Variants in AKAP19 observed in about 807,000 individuals in gnomAD.
AKAP19 encodes A-kinase anchoring protein 19.
chr2:190,056,434 C>A, the AKAP19 span: 3 of 152,238 alleles, frequency 2.0e-5, no homozygotes, highest in Non-Finnish European at 4.4e-5. Context: ...TTACATACTT[C>A]TCCAAGTATG....
chr2:189,939,870 G>C, the AKAP19 span, among the ~76,000 whole-genome samples: 3 of 152,182 alleles, frequency 2.0e-5, no homozygotes, highest in Admixed American at 2.0e-4. Context: ...AGTCAGTCAG[G>C]CATGGGGGCT....
chr2:190,194,261 T>A, the AKAP19 span, among the ~76,000 whole-genome samples: 1 of 152,296 alleles, frequency 6.6e-6, no homozygotes, highest in East Asian at 1.9e-4. Context: ...AGTTGGAGCA[T>A]AATGTTGTTC....
chr2:190,145,523 A>T, the AKAP19 span, among the ~76,000 whole-genome samples: 1 of 152,190 alleles, frequency 6.6e-6, no homozygotes, highest in South Asian at 2.1e-4. Flanking sequence ...GACTGCATAT[A>T]CTATGGCCAT....
At chr2:189,904,303 A>G in the AKAP19 span, among the ~76,000 whole-genome samples, 1 of 152,022 alleles carries the variant, frequency 6.6e-6, no homozygotes, top group Non-Finnish European at 1.5e-5. Flanking sequence ...TGCAGATGAA[A>G]CACAAAGTGC....
chr2:190,029,240 T>C, the AKAP19 span, among the ~76,000 whole-genome samples: 2,604 of 152,040 alleles, frequency 0.017, 81 homozygotes, highest in African/African-American at 0.06. Flanking sequence ...TTAGTAGAGA[T>C]GGGGTTTCAC....
chr2:190,089,516 T>C, the AKAP19 span: 1 of 152,150 alleles, frequency 6.6e-6, no homozygotes, highest in African/African-American at 2.4e-5. Flanking sequence ...TTTTTGAAAA[T>C]TCTAGAATTC....
At chr2:189,945,520 A>T in the AKAP19 span, among the ~76,000 whole-genome samples, 3 of 152,218 alleles carry the variant, frequency 2.0e-5, no homozygotes, top group East Asian at 5.8e-4. Context: ...ATTCCTATTC[A>T]CAAAAACTGA....
chr2:189,932,765 C>T, the AKAP19 span, among the ~76,000 whole-genome samples: 2 of 151,054 alleles, frequency 1.3e-5, no homozygotes, highest in Non-Finnish European at 2.9e-5. Flanking sequence ...CTACATTATC[C>T]TAGATTTGAC....
chr2:190,025,581 G>A, the AKAP19 span, among the ~76,000 whole-genome samples: 1 of 152,158 alleles, frequency 6.6e-6, no homozygotes, highest in Non-Finnish European at 1.5e-5. Flanking sequence ...TGTAGTCTAA[G>A]CTTTAGAGCT....
chr2:189,978,868 G>A, the AKAP19 span, among the ~76,000 whole-genome samples: 1 of 151,742 alleles, frequency 6.6e-6, no homozygotes, highest in Non-Finnish European at 1.5e-5. Flanking sequence ...TAACTACCTG[G>A]TAAAAAGTTA....
chr2:190,179,052 T>C, the AKAP19 span, among the ~76,000 whole-genome samples: 1 of 152,208 alleles, frequency 6.6e-6, no homozygotes, highest in Non-Finnish European at 1.5e-5. This position sits in a 1 kb window ranked among gnomAD's most constrained non-coding sequence, Gnocchi z 6.0. Context: ...TAGCATGGTG[T>C]GCCTGAAATA....
chr2:190,052,074 C>T, the AKAP19 span, among the ~76,000 whole-genome samples: 2 of 151,964 alleles, frequency 1.3e-5, no homozygotes, highest in African/African-American at 2.4e-5. Context: ...CTCCTGACCT[C>T]GTGATCCGCC....
the AKAP19 span, among the ~76,000 whole-genome samples, chr2:189,998,549 A>G: frequency 6.6e-6 from 1 of 152,130 alleles, no homozygotes; most frequent in Admixed American, 6.5e-5. Context: ...CATTGGTATA[A>G]AGCTGTTTAT....
the AKAP19 span, among the ~76,000 whole-genome samples, chr2:190,165,981 A>G: frequency 6.6e-6 from 1 of 152,176 alleles, no homozygotes; most frequent in Non-Finnish European, 1.5e-5. Context: ...AGAATGTCAA[A>G]GAAAGTTGTA....
At chr2:189,923,481 A>T in the AKAP19 span, 9 of 1,613,956 alleles carry the variant, frequency 5.6e-6, no homozygotes, top group South Asian at 6.6e-5. Context: ...TGCTCTGTTC[A>T]TAAGGGCTTT....
At chr2:190,072,542 GA>G in the AKAP19 span, among the ~76,000 whole-genome samples, 1 of 152,146 alleles carries the variant, frequency 6.6e-6, no homozygotes, top group Non-Finnish European at 1.5e-5. Flanking sequence ...AATTTGTAGT[GA>G]ATGCTATATC....
chr2:190,022,772 T>C, the AKAP19 span, among the ~76,000 whole-genome samples: 1 of 152,270 alleles, frequency 6.6e-6, no homozygotes, highest in African/African-American at 2.4e-5. Flanking sequence ...TATAATTTTT[T>C]TTTTTGTTAT....
the AKAP19 span, among the ~76,000 whole-genome samples, chr2:190,018,664 C>T: frequency 2.0e-5 from 3 of 151,952 alleles, no homozygotes; most frequent in African/African-American, 2.4e-5. Context: ...ATTTTGGGGG[C>T]TTTATTATTT....
At chr2:189,893,197 T>C in the AKAP19 span, among the ~76,000 whole-genome samples, 1 of 152,242 alleles carries the variant, frequency 6.6e-6, no homozygotes, top group African/African-American at 2.4e-5. Context: ...GTTAGCTCAC[T>C]GGCTTCAGCC....
Sources: gnomAD v4.1 joint callset for allele counts (sites outside exome capture counted in the v4.1 genomes callset) on GRCh38, gnomAD v4.1.1 for gene constraint, Gnocchi (gnomAD v3.1) non-coding constraint, MANE v1.5 for transcripts, NCBI Gene and HGNC (gene_info 2026-07-23, HGNC 2026-07-21) for gene names.